The following ADAMTSL3 variants were observed in gnomAD, a reference collection of about 807,000 sequenced individuals.
ADAMTSL3 encodes the protein ADAMTS like 3, also known as ADAMTS-like protein 3.
In ADAMTSL3, 128 loss-of-function variants were observed where a neutral mutation model predicts 201.7. The ratio of observed to expected loss-of-function variants is 0.63; its 90% CI spans 0.55 to 0.73. ADAMTSL3 has a LOEUF of 0.73. Among genes scored for constraint, ADAMTSL3 ranks in the 30% least tolerant of loss-of-function variants. The pLI is 0.00. For synonymous variants in ADAMTSL3, 738 were observed against 748.4 expected, an observed-to-expected ratio of 0.99 and a Z score of 0.23; for missense variants, 1,990 against 2,119.6, an observed-to-expected ratio of 0.94 and a Z score of 1.20.
At chr15:83,941,781 AC>A (rs1444980571) in intron 17 of ADAMTSL3, among the ~76,000 whole-genome samples, 4 of 152,190 alleles carry the variant, frequency 2.6e-5, no homozygotes, top group Non-Finnish European at 5.9e-5. Flanking sequence ...CCTTTTATGA[AC>A]ATTTTAAACA....
rs58549986 is a variant in ADAMTSL3, at chr15:83,994,762, A to ATT, written c.3973+3565_3973+3566dup. ...CAGGTACAAGCCACCATGCCTGGCTATTTTTTTTTTTTTTTTTTGCATTTT... is the reference window on the plus strand; with the variant it reads ...CAGGTACAAGCCACCATGCCTGGCTATTTTTTTTTTTTTTTTTTTTGCATTTT... On this transcript the variant is annotated intron_variant, in intron 23 of 29. Coordinates refer to ENST00000286744, the MANE Select transcript of ADAMTSL3 (RefSeq NM_207517.3). 3.5e-3 allele frequency among the ~76,000 whole-genome samples: 390 copies of ATT among 112,406 alleles called. 2 individuals are homozygous for ATT. The highest frequency in any genetic ancestry group is 0.012 in the African/African-American group (337 of 29,200). The allele number at this position is 112,406 out of a possible 152,430, so 73.7% of individuals were successfully genotyped here.
intron 6 of ADAMTSL3, among the ~76,000 whole-genome samples, chr15:83,824,204 C>T (rs1015430104): frequency 2.8e-4 from 42 of 151,880 alleles, no homozygotes; most frequent in Admixed American, 2.8e-3. Context: ...CCATCACGCT[C>T]AGCCAGTTTT....
In ADAMTSL3 at chr15:83,712,331, T is replaced by G. The variant is rs549808854; in HGVS notation, c.189+7823T>G. ...AGGACCCCATGTCCTGAATTCCAAC[T>G]TTCTGCTGCAACTGAAAACTGGCCT... On this transcript the variant is annotated intron_variant, in intron 3 of 29. Transcript: ENST00000286744. Among the ~76,000 whole-genome samples, 6 of 152,356 alleles carry G rather than the reference T, an allele frequency of 3.9e-5. No homozygotes were observed. The East Asian group carries it at 1.2e-3, about 29-fold the overall frequency.
At position 83,654,550 on chromosome 15, in the gene ADAMTSL3, G is replaced by C. The variant is rs768507704; in HGVS notation, c.-34+274G>C. Among the ~76,000 whole-genome samples the C allele has an allele frequency of 2.0e-5, 3 of 152,094 alleles. No homozygotes were observed. Among genetic ancestry groups the C allele is most frequent in the Non-Finnish European group, 4.4e-5 (3 of 68,026 alleles). On this transcript the variant is annotated intron_variant, in intron 1 of 29. Coordinates refer to ENST00000286744, the MANE Select transcript of ADAMTSL3 (RefSeq NM_207517.3). This position sits in a 1 kb window ranked among gnomAD's most constrained non-coding sequence, Gnocchi z 5.3. Reference sequence around the variant, plus strand: ...GGCTGAGGGGCGTTCTTGATTATGGGGGAACTCCACAGGGTTGGAGTTTTT... The same window carrying C: ...GGCTGAGGGGCGTTCTTGATTATGGCGGAACTCCACAGGGTTGGAGTTTTT...
chr15:83,739,063 CA>C (rs2062413025), intron 3 of ADAMTSL3, among the ~76,000 whole-genome samples: 1 of 150,760 alleles, frequency 6.6e-6, no homozygotes, highest in Admixed American at 6.6e-5. Flanking sequence ...AATAAAATAG[CA>C]GAAAAATCTA....
At chr15:83,728,692 CT>C (rs2062219050) in intron 3 of ADAMTSL3, among the ~76,000 whole-genome samples, 1 of 151,948 alleles carries the variant, frequency 6.6e-6, no homozygotes, top group South Asian at 2.1e-4. Context: ...CTATTTACAT[CT>C]TATTATACTG....
chr15:83,850,030 A>G (rs148490295), intron 7 of ADAMTSL3, among the ~76,000 whole-genome samples: 1 of 150,004 alleles, frequency 6.7e-6, no homozygotes, highest in African/African-American at 2.5e-5. Flanking sequence ...GTGAGGAAAT[A>G]TACCTTCTTT....
At position 83,923,992 on chromosome 15, in the gene ADAMTSL3, A is replaced by C; in HGVS notation, c.2076A>C (p.Pro692=). The C allele has an allele frequency of 6.2e-7, 1 of 1,614,158 alleles. No individual in the cohort carries two copies. The highest frequency in any genetic ancestry group is 1.1e-5 in the South Asian group (1 of 91,078). ...TGTGTGATATGGTCCACCGTCCTCC[A>C]GCCATGAGCCAGGCCTGTAACACAG... ...DSLCDMVHRP[P]AMSQACNTEP... Residue 692 remains proline (P), a synonymous_variant, in exon 17 of 30, where the codon CCA becomes CCC. Coordinates refer to ENST00000286744, the MANE Select transcript of ADAMTSL3 (RefSeq NM_207517.3).
At chr15:83,859,487 G>C (rs2064810690) in intron 8 of ADAMTSL3, among the ~76,000 whole-genome samples, 1 of 152,178 alleles carries the variant, frequency 6.6e-6, no homozygotes, top group Non-Finnish European at 1.5e-5. Flanking sequence ...AAACTACCCA[G>C]GGACATATGT....
chr15:83,967,280 C>A (rs1408238012), intron 19 of ADAMTSL3, among the ~76,000 whole-genome samples: 2 of 152,108 alleles, frequency 1.3e-5, no homozygotes, highest in Admixed American at 6.6e-5. Flanking sequence ...TTAGAAAACC[C>A]CATCATCTTA....
chr15:83,985,651 T>C (rs921300643), intron 21 of ADAMTSL3, among the ~76,000 whole-genome samples: 3 of 152,172 alleles, frequency 2.0e-5, no homozygotes, highest in African/African-American at 7.2e-5. Flanking sequence ...CTTTTCTTTA[T>C]TGAGACAGTC....
At chr15:83,750,139 A>T (rs1472868034) in intron 3 of ADAMTSL3, among the ~76,000 whole-genome samples, 1 of 152,204 alleles carries the variant, frequency 6.6e-6, no homozygotes, top group Non-Finnish European at 1.5e-5. Context: ...CCAATGAATT[A>T]TGGATTCAAG....
rs1371105071 is a variant in ADAMTSL3, at chr15:83,982,457, G to A, written c.2829G>A (p.Leu943=). 1.2e-6 allele frequency: 2 copies of A among 1,614,172 alleles called. No homozygotes were observed. Among genetic ancestry groups the A allele is most frequent in the Non-Finnish European group, 1.7e-6 (2 of 1,180,040 alleles). Residue 943 remains leucine, a synonymous_variant, in exon 21 of 30, where the codon CTG becomes CTA. Coordinates refer to ENST00000286744, the MANE Select transcript of ADAMTSL3 (RefSeq NM_207517.3). The stretch of plus-strand genomic sequence containing the variant: ...CCGTGCGACGATTCCAGAAATCTCT[G>A]ATCCAGTGGGAGAAGGATGGCCGTT... ...KCPVRRFQKS[L]IQWEKDGRCL... is the part of the protein sequence containing the mutation.
intron 3 of ADAMTSL3, among the ~76,000 whole-genome samples, chr15:83,770,934 G>A (rs1266450631): frequency 6.6e-6 from 1 of 152,098 alleles, no homozygotes; most frequent in Non-Finnish European, 1.5e-5. Context: ...GGGTGTGGTG[G>A]CAGGCACCTG....
At chr15:83,690,747 C>G (rs1347480456) in intron 2 of ADAMTSL3, among the ~76,000 whole-genome samples, 1 of 152,132 alleles carries the variant, frequency 6.6e-6, no homozygotes, top group Non-Finnish European at 1.5e-5. Context: ...ATGGCTAGCA[C>G]CAGACAAGAC....
rs1272213423 is a variant in ADAMTSL3 at position 83,870,858 on chromosome 15, G to A, written c.859G>A (p.Gly287Ser). 4.3e-6 allele frequency: 7 copies of A among 1,612,982 alleles called. No individual in the cohort carries two copies. The highest frequency in any genetic ancestry group is 1.3e-5 in the African/African-American group (1 of 74,944). ...SKGEHSFNSP[G>S]VFLVENTTVE... ...AGGAGAACACAGCTTTAACAGCCCCGGCGTCTTTCTCGTAGAAAACACAAC... is the reference window on the plus strand; with the variant it reads ...AGGAGAACACAGCTTTAACAGCCCCAGCGTCTTTCTCGTAGAAAACACAAC... The change falls in exon 9 of 30, where the codon GGC (glycine) becomes AGC (serine). Residue 287 changes from glycine (G) to serine (S), a missense_variant. Coordinates refer to ENST00000286744, the MANE Select transcript of ADAMTSL3 (RefSeq NM_207517.3).
At chr15:83,823,893 CTCTTCTTCTTCTTCTTCT>C (rs759090787) in intron 6 of ADAMTSL3, among the ~76,000 whole-genome samples, 4,663 of 92,966 alleles carry the variant, frequency 0.05, 223 homozygotes, top group Middle Eastern at 0.062. Flanking sequence ...CTTCTTCTTC[CTCTTCTTCTTCTTCTTCT>C]TCTTCTTCTT....
At chr15:83,894,985 T>C (rs930437820) in intron 13 of ADAMTSL3, among the ~76,000 whole-genome samples, 3 of 152,202 alleles carry the variant, frequency 2.0e-5, no homozygotes, top group Admixed American at 6.5e-5. Flanking sequence ...GAATGAGCCA[T>C]GTGTTCAGCA....
In ADAMTSL3 at chr15:83,667,671, G is replaced by A. The variant is rs2061267396; in HGVS notation, c.69+11841G>A. On this transcript the variant is annotated intron_variant, in intron 2 of 29. Coordinates refer to ENST00000286744, the MANE Select transcript of ADAMTSL3 (RefSeq NM_207517.3). ...AACTTTTTAAAGAACAGTGAAATTG[G>A]TGGCCCTGAGTGGGTCTTGGAAAAA... 2.0e-5 allele frequency among the ~76,000 whole-genome samples: 3 copies of A among 152,036 alleles called. No individual in the cohort carries two copies. The South Asian group carries it at 6.2e-4, about 32-fold the overall frequency.
Sources: allele counts gnomAD v4.1 joint callset (sites outside exome capture counted in the v4.1 genomes callset), GRCh38; gene constraint gnomAD v4.1.1; non-coding constraint Gnocchi (gnomAD v3.1); transcripts MANE v1.5; gene names NCBI Gene and HGNC (gene_info 2026-07-23, HGNC 2026-07-21).